The following BCORL1 variants were observed in gnomAD, a reference collection of about 807,000 sequenced individuals.
BCORL1 encodes the protein BCL-6 corepressor-like protein 1.
BCORL1 carries 7 observed loss-of-function variants against 87.6 expected under a neutral mutation model. The ratio of observed to expected loss-of-function variants is 0.08; its 90% CI spans 0.05 to 0.15. The LOEUF (loss-of-function observed/expected upper bound fraction) is 0.15, where lower values mean the gene tolerates loss of function less well. Among genes scored for constraint, BCORL1 ranks in the 10% least tolerant of loss-of-function variants. The pLI is 1.00. For missense variants in BCORL1, 1,215 were observed against 1,499.7 expected, an observed-to-expected ratio of 0.81 and a Z score of 3.13; for synonymous variants, 591 against 634.4, an observed-to-expected ratio of 0.93 and a Z score of 1.03.
chrX:130,016,516 G>A (rs1288015168), intron 4 of BCORL1, among the ~76,000 whole-genome samples: 2 of 111,940 alleles, frequency 1.8e-5, no homozygotes, highest in African/African-American at 6.5e-5. Context: ...GAAAGCGGAA[G>A]AAGGTATTGG....
chrX:129,986,961 A>G (rs980403969), intron 1 of BCORL1, among the ~76,000 whole-genome samples: 2 of 112,017 alleles, frequency 1.8e-5, no homozygotes, highest in Admixed American at 1.9e-4. Context: ...GAATTATGGG[A>G]AAAAAGGACT....
intron 9 of BCORL1, among the ~76,000 whole-genome samples, 162 bp downstream of exon 9, chrX:130,034,838 G>T (rs1333559173): frequency 8.9e-6 from 1 of 112,023 alleles, no homozygotes. Flanking sequence ...ATGTCAGCGT[G>T]TGAGAATGCA....
chrX:130,028,140 T>TA (rs1930357410), intron 7 of BCORL1, among the ~76,000 whole-genome samples: 1 of 110,897 alleles, frequency 9.0e-6, no homozygotes, highest in Non-Finnish European at 1.9e-5. Flanking sequence ...CCTCGGAGAG[T>TA]GACAAATGGG....
intron 11 of BCORL1, among the ~76,000 whole-genome samples, chrX:130,042,235 T>C (rs1931378782): frequency 9.0e-6 from 1 of 111,092 alleles, no homozygotes. Context: ...ACCACGGGTG[T>C]GTGCCACCGG....
rs762038678 is a variant in BCORL1 at position 130,025,082 on chromosome X, A to C, written c.3781A>C (p.Thr1261Pro). The change falls in exon 7 of 14, where the codon ACC (threonine) becomes CCC (proline). Residue 1261 changes from threonine to proline, a missense_variant. Transcript: ENST00000540052. ...AGAAGAAGAAGAGGAGGTAACCCCC[A>C]CCCCAGCTAAGCGTCGAAAGGTGAG... ...PTEEEEEVTP[T>P]PAKRRKVRKT... is the part of the protein sequence containing the mutation. 3 of 1,209,600 alleles carry C rather than the reference A, an allele frequency of 2.5e-6. No individual in the cohort carries two copies. The highest frequency in any genetic ancestry group is 3.4e-6 in the Non-Finnish European group (3 of 895,057).
chrX:130,000,896 TTGTGTG>T (rs61288678), intron 1 of BCORL1, among the ~76,000 whole-genome samples: 6 of 98,229 alleles, frequency 6.1e-5, no homozygotes, highest in Non-Finnish European at 8.3e-5. Context: ...GGTGGATGCT[TTGTGTG>T]TGTGTGTGTG....
chrX:130,006,329 C>CTGTG (rs1928485721), intron 2 of BCORL1, among the ~76,000 whole-genome samples: 1 of 110,151 alleles, frequency 9.1e-6, no homozygotes, highest in Non-Finnish European at 1.9e-5. Context: ...GGTCAAAGAG[C>CTGTG]TGTGTGTGAT....
At chrX:130,028,516 A>T (rs1603138887) in intron 7 of BCORL1, 119 bp from the exon 8 acceptor site, 2 of 582,762 alleles carry the variant, frequency 3.4e-6, no homozygotes, top group East Asian at 6.5e-5. Flanking sequence ...GCTGATAGTT[A>T]TACAACTTTG....
intron 2 of BCORL1, among the ~76,000 whole-genome samples, chrX:130,008,857 C>T (rs982236707): frequency 1.8e-5 from 2 of 112,060 alleles, no homozygotes; most frequent in African/African-American, 6.5e-5. Context: ...GCGGCTGGCC[C>T]CAGGTGGCCG....
chrX:130,004,826 T>G (rs1178870950), intron 1 of BCORL1, among the ~76,000 whole-genome samples: 1 of 112,358 alleles, frequency 8.9e-6, no homozygotes, highest in South Asian at 3.6e-4. Flanking sequence ...AGTGCACCAT[T>G]CATATATGGG....
chrX:130,004,347 C>T (rs1425921401), intron 1 of BCORL1, among the ~76,000 whole-genome samples: 3 of 104,842 alleles, frequency 2.9e-5, no homozygotes, highest in South Asian at 4.3e-4. Flanking sequence ...TGGGTTCAAG[C>T]GATTCTTGTG....
intron 1 of BCORL1, among the ~76,000 whole-genome samples, chrX:129,998,457 A>G (rs1189083364): frequency 9.0e-6 from 1 of 111,568 alleles, no homozygotes; most frequent in Admixed American, 9.6e-5. Context: ...GCGCTTACGA[A>G]GTGTGGCATG....
intron 9 of BCORL1, among the ~76,000 whole-genome samples, chrX:130,036,991 C>A (rs1013726596): frequency 5.4e-5 from 6 of 112,088 alleles, no homozygotes; most frequent in Admixed American, 1.9e-4. Flanking sequence ...ATTAAAAATA[C>A]GAAAATTAGC....
At chrX:129,981,235 T>C (rs1219060992), upstream of BCORL1, 1 of 110,107 alleles carries the variant, frequency 9.1e-6, no homozygotes, top group East Asian at 2.9e-4. Flanking sequence ...TGGATTCTGC[T>C]CTCGTAGTGG....
At chrX:130,053,311 G>A (rs753386943) in intron 13 of BCORL1, among the ~76,000 whole-genome samples, 1 of 90,862 alleles carries the variant, frequency 1.1e-5, no homozygotes, top group African/African-American at 4.1e-5. Flanking sequence ...CACCCCACAC[G>A]CATAGCCTGA....
chrX:130,023,011 A>G (rs760793476), intron 6 of BCORL1, 34 bp downstream of exon 6: 13 of 1,109,347 alleles, frequency 1.2e-5, no homozygotes, highest in Admixed American at 4.4e-5. Flanking sequence ...CCCTCTCAGC[A>G]TCTTCTATGA....
chrX:130,047,325 GA>G (rs1318498451), intron 11 of BCORL1, among the ~76,000 whole-genome samples: 1 of 111,020 alleles, frequency 9.0e-6, no homozygotes, highest in African/African-American at 3.3e-5. Flanking sequence ...GGCTGGGGTG[GA>G]GGGAATCAAG....
intron 13 of BCORL1, among the ~76,000 whole-genome samples, 179 bp from the exon 14 acceptor site, chrX:130,055,675 T>C (rs1484923669): frequency 4.4e-5 from 5 of 112,673 alleles, no homozygotes; most frequent in Admixed American, 9.4e-5. Context: ...GACATTTGCC[T>C]CAGCTATACC....
In BCORL1 at chrX:130,025,285, G is replaced by C; in HGVS notation, c.3984G>C (p.Lys1328Asn). The C allele has an allele frequency of 8.3e-7, 1 of 1,208,058 alleles. No individual in the cohort carries two copies. Among genetic ancestry groups the C allele is most frequent in the Non-Finnish European group, 1.1e-6 (1 of 893,819 alleles). Residue 1328 changes from lysine (K) to asparagine (N), a missense_variant, in exon 7 of 14, where the codon AAG becomes AAC. This residue lies in a region of BCORL1 where 166 missense variants were observed against 196.5 expected (regional missense o/e 0.84). Coordinates refer to ENST00000540052, the MANE Select transcript of BCORL1 (RefSeq NM_001379451.1). ...AAGAAGAGGAGGAGGGCCTGCTGAAGAGGAAGAAACGAAGACGGCAGAAGA... is the reference window on the plus strand; with the variant it reads ...AAGAAGAGGAGGAGGGCCTGCTGAACAGGAAGAAACGAAGACGGCAGAAGA... ...EEEEEEEGLL[K>N]RKKRRRQKSR...
Sources: gnomAD v4.1 joint callset for allele counts (sites outside exome capture counted in the v4.1 genomes callset) on GRCh38, gnomAD v4.1.1 for gene constraint, gnomAD v4.1.1 regional missense constraint, MANE v1.5 for transcripts, NCBI Gene and HGNC (gene_info 2026-07-23, HGNC 2026-07-21) for gene names.